The following CACNA2D3 variants were observed in gnomAD, a reference collection of about 807,000 sequenced individuals.
CACNA2D3 encodes the protein calcium voltage-gated channel auxiliary subunit alpha2delta 3.
A neutral mutation model predicts 160.6 loss-of-function variants in CACNA2D3; 60 were observed. That is an observed-to-expected ratio of 0.37 (90% confidence interval 0.30 to 0.46). The LOEUF is 0.46. Among genes scored for constraint, CACNA2D3 ranks in the 20% least tolerant of loss-of-function variants. The pLI, the probability that CACNA2D3 is intolerant of heterozygous loss-of-function variation, is 1.00. For missense variants in CACNA2D3, 1,205 were observed against 1,365.0 expected, an observed-to-expected ratio of 0.88 and a Z score of 1.85; for synonymous variants, 558 against 492.9, an observed-to-expected ratio of 1.13 and a Z score of -1.75.
intron 3 of CACNA2D3, among the ~76,000 whole-genome samples, chr3:54,344,486 C>T (rs893753090): frequency 1.8e-4 from 27 of 152,292 alleles, no homozygotes; most frequent in South Asian, 4.1e-4. Context: ...GTTCTGGCAA[C>T]GAGAAATCAT....
At chr3:54,656,172 AAC>A (rs2106872737) in intron 11 of CACNA2D3, among the ~76,000 whole-genome samples, 1 of 152,352 alleles carries the variant, frequency 6.6e-6, no homozygotes, top group Non-Finnish European at 1.5e-5. Flanking sequence ...TGCTGCTATG[AAC>A]ACAGAGAGGA....
chr3:55,067,108 G>GGA (rs1559478687), intron 35 of CACNA2D3, among the ~76,000 whole-genome samples: 1 of 151,402 alleles, frequency 6.6e-6, no homozygotes, highest in African/African-American at 2.4e-5. Flanking sequence ...TAGCGGGGGG[G>GGA]GCTTTTCTCC....
chr3:54,205,493 G>A (rs1701260024), intron 2 of CACNA2D3, among the ~76,000 whole-genome samples: 1 of 152,216 alleles, frequency 6.6e-6, no homozygotes, highest in Non-Finnish European at 1.5e-5. Flanking sequence ...CAACGAAAAT[G>A]TGTTTATGGC....
At chr3:54,231,430 CAG>C (rs1468053144) in intron 2 of CACNA2D3, among the ~76,000 whole-genome samples, 1 of 152,170 alleles carries the variant, frequency 6.6e-6, no homozygotes, top group Non-Finnish European at 1.5e-5. Flanking sequence ...TGATGATTGT[CAG>C]AGTTCCTTGA....
chr3:54,384,011 G>A (rs1699148872), intron 3 of CACNA2D3, among the ~76,000 whole-genome samples: 1 of 152,056 alleles, frequency 6.6e-6, no homozygotes, highest in Admixed American at 6.5e-5. Context: ...AAATATATAT[G>A]AAATACATTT....
intron 27 of CACNA2D3, among the ~76,000 whole-genome samples, chr3:54,941,282 A>G (rs998078379): frequency 3.3e-5 from 5 of 152,332 alleles, no homozygotes; most frequent in Non-Finnish European, 4.4e-5. Context: ...TAAAATACTG[A>G]TTTGTGGATA....
intron 4 of CACNA2D3, among the ~76,000 whole-genome samples, chr3:54,481,288 T>C (rs1700928471): frequency 6.6e-6 from 1 of 152,218 alleles, no homozygotes; most frequent in South Asian, 2.1e-4. Flanking sequence ...TCCCCTCTGA[T>C]GTTTCATTTG....
At chr3:54,714,292 T>C (rs1260520075) in intron 11 of CACNA2D3, among the ~76,000 whole-genome samples, 1 of 152,166 alleles carries the variant, frequency 6.6e-6, no homozygotes, top group Non-Finnish European at 1.5e-5. Flanking sequence ...AAGATTACAG[T>C]TCAGAAGCAA....
At chr3:54,468,002 TATG>T (rs1484641549) in intron 4 of CACNA2D3, among the ~76,000 whole-genome samples, 1 of 152,210 alleles carries the variant, frequency 6.6e-6, no homozygotes, top group Non-Finnish European at 1.5e-5. Context: ...TATGTACAAT[TATG>T]ATGTGTCAAT....
intron 3 of CACNA2D3, among the ~76,000 whole-genome samples, chr3:54,339,335 T>A (rs1477632103): frequency 6.6e-6 from 1 of 152,206 alleles, no homozygotes; most frequent in Non-Finnish European, 1.5e-5. Flanking sequence ...GGGGAAAATT[T>A]CATTCCTTGG....
intron 4 of CACNA2D3, among the ~76,000 whole-genome samples, chr3:54,490,413 C>T (rs952833857): frequency 1.3e-5 from 2 of 152,236 alleles, no homozygotes; most frequent in Admixed American, 6.5e-5. Context: ...AGGGTTGAAT[C>T]CAGGCAGAGG....
intron 10 of CACNA2D3, among the ~76,000 whole-genome samples, chr3:54,631,806 A>G (rs1488003816): frequency 6.6e-6 from 1 of 152,256 alleles, no homozygotes; most frequent in African/African-American, 2.4e-5. Context: ...AGTTTGCTAC[A>G]GTAGTTAGCA....
chr3:54,341,065 T>A (rs888447589), intron 3 of CACNA2D3, among the ~76,000 whole-genome samples: 3 of 152,250 alleles, frequency 2.0e-5, no homozygotes, highest in African/African-American at 4.8e-5. Flanking sequence ...GCCCTGGACT[T>A]CTTCTGGTGT....
chr3:55,072,684 C>T (rs1040570259), intron 35 of CACNA2D3, among the ~76,000 whole-genome samples: 1 of 152,160 alleles, frequency 6.6e-6, no homozygotes, highest in Non-Finnish European at 1.5e-5. Flanking sequence ...ATTTGTTCCT[C>T]CAAAGAAAGA....
chr3:55,011,121 G>A (rs1245628181), intron 34 of CACNA2D3, among the ~76,000 whole-genome samples: 2 of 152,244 alleles, frequency 1.3e-5, no homozygotes, highest in Non-Finnish European at 2.9e-5. Context: ...AGATGGAGCA[G>A]AATCTGCTGA....
At chr3:54,223,156 G>A (rs1701606108) in intron 2 of CACNA2D3, among the ~76,000 whole-genome samples, 1 of 152,114 alleles carries the variant, frequency 6.6e-6, no homozygotes, top group Non-Finnish European at 1.5e-5. Context: ...GTATTCATAG[G>A]TTGTTCAACA....
chr3:54,609,239 T>G lies in CACNA2D3; in HGVS notation c.964-18548T>G, dbSNP rs539065609. Among the ~76,000 whole-genome samples, 3 of 152,294 alleles carry G rather than the reference T, an allele frequency of 2.0e-5. No homozygotes were observed. In the East Asian group the frequency reaches 5.8e-4, roughly 29 times the overall value. On this transcript the variant is annotated intron_variant, in intron 9 of 37. Coordinates refer to ENST00000474759, the MANE Select transcript of CACNA2D3 (RefSeq NM_018398.3). ...GACCTAGTGATAAGGTGGCCATCTG[T>G]ATACCAAGAAAGGAGGCCTCGGGAG...
At chr3:54,458,631 T>C (rs946034606) in intron 4 of CACNA2D3, among the ~76,000 whole-genome samples, 5 of 152,082 alleles carry the variant, frequency 3.3e-5, no homozygotes, top group African/African-American at 1.2e-4. Flanking sequence ...ACAATTTGAC[T>C]ACAGTGTGCC....
At position 54,677,645 on chromosome 3, in the gene CACNA2D3, G is replaced by T. The variant is rs555102144; in HGVS notation, c.1167+35404G>T. 1.7e-4 allele frequency among the ~76,000 whole-genome samples: 25 copies of T among 150,412 alleles called. No individual in the cohort carries two copies. The East Asian group carries it at 4.5e-3, about 27-fold the overall frequency. ...TGGGGGGGGGGCAACGTACTTACTC[G>T]TCTAGTCTCTCTCCCAGGAATATGT... On this transcript the variant is annotated intron_variant, in intron 11 of 37. Coordinates refer to ENST00000474759, the MANE Select transcript of CACNA2D3 (RefSeq NM_018398.3).
Sources: gnomAD v4.1 joint callset for allele counts (sites outside exome capture counted in the v4.1 genomes callset) on GRCh38, gnomAD v4.1.1 for gene constraint, MANE v1.5 for transcripts, NCBI Gene and HGNC (gene_info 2026-07-23, HGNC 2026-07-21) for gene names.